Variants in EEFSEC observed in about 807,000 individuals in gnomAD.
EEFSEC encodes the protein eukaryotic elongation factor, selenocysteine-tRNA specific, also known as selenocysteine-specific elongation factor.
A neutral mutation model predicts 42.1 loss-of-function variants in EEFSEC; 43 were observed. The ratio of observed to expected loss-of-function variants is 1.02; its 90% CI spans 0.80 to 1.32. EEFSEC has a LOEUF of 1.32. Among genes scored for constraint, EEFSEC ranks in the 40% most tolerant of loss-of-function variants. The pLI is 0.00. For synonymous variants in EEFSEC, 354 were observed against 339.1 expected (o/e 1.04, Z -0.48); for missense variants, 745 against 803.6 (o/e 0.93, Z 0.88).
At chr3:128,267,932 G>A (rs75955609) in intron 4 of EEFSEC, among the ~76,000 whole-genome samples, 15 of 152,356 alleles carry the variant, frequency 9.8e-5, no homozygotes, top group African/African-American at 3.4e-4. Flanking sequence ...AAGGGAGAGA[G>A]ACTTGACAAA....
intron 2 of EEFSEC, among the ~76,000 whole-genome samples, chr3:128,247,453 G>A (rs1246682037): frequency 6.6e-6 from 1 of 152,222 alleles, no homozygotes; most frequent in African/African-American, 2.4e-5. Context: ...GGCTAGGACT[G>A]TGTTCTCTTG....
chr3:128,189,586 G>T (rs1402615754), intron 1 of EEFSEC, among the ~76,000 whole-genome samples: 3 of 148,156 alleles, frequency 2.0e-5, no homozygotes, highest in African/African-American at 7.5e-5. Context: ...CCGAGCCAGG[G>T]TCTGGCTGTC....
intron 4 of EEFSEC, among the ~76,000 whole-genome samples, chr3:128,319,969 T>A (rs1013947869): frequency 2.0e-5 from 3 of 152,270 alleles, no homozygotes; most frequent in African/African-American, 7.2e-5. Flanking sequence ...TTGGCCCTGC[T>A]GATTGGCTGG....
At chr3:128,342,241 G>T (rs1404284587) in intron 5 of EEFSEC, among the ~76,000 whole-genome samples, 1 of 152,256 alleles carries the variant, frequency 6.6e-6, no homozygotes, top group African/African-American at 2.4e-5. Context: ...GTTAGCACTG[G>T]CTTCCCTGGC....
intron 6 of EEFSEC, among the ~76,000 whole-genome samples, chr3:128,406,142 C>A (rs79764701): frequency 0.027 from 4,086 of 152,316 alleles, 182 homozygotes; most frequent in African/African-American, 0.091. Flanking sequence ...GCCCTGGGCC[C>A]ACCCACTCCC....
intron 4 of EEFSEC, among the ~76,000 whole-genome samples, chr3:128,325,077 G>T (rs73197388): frequency 0.14 from 21,782 of 152,102 alleles, 1,806 homozygotes; most frequent in African/African-American, 0.23. Flanking sequence ...AACATCCCTC[G>T]CTGGCCTACT....
intron 4 of EEFSEC, among the ~76,000 whole-genome samples, chr3:128,267,063 T>G (rs1357966925): frequency 1.3e-5 from 2 of 151,672 alleles, no homozygotes; most frequent in African/African-American, 4.9e-5. Flanking sequence ...ATGAAAGAGG[T>G]GTCAAAAGAG....
At chr3:128,417,191 G>A in the EEFSEC span, among the ~76,000 whole-genome samples, 15 of 152,008 alleles carry the variant, frequency 9.9e-5, no homozygotes, top group African/African-American at 3.1e-4. The surrounding 1 kb of genome is among the most constrained non-coding windows in gnomAD (Gnocchi z 4.3). Flanking sequence ...CTGTTAAAAC[G>A]TGTCAGGGCC....
chr3:128,332,694 C>T (rs2067147105), intron 4 of EEFSEC, among the ~76,000 whole-genome samples: 2 of 152,250 alleles, frequency 1.3e-5, no homozygotes, highest in African/African-American at 4.8e-5. Context: ...GAGGTTCCCT[C>T]TCGCAGCCCC....
intron 5 of EEFSEC, among the ~76,000 whole-genome samples, chr3:128,354,249 T>C (rs1436266087): frequency 6.6e-6 from 1 of 152,070 alleles, no homozygotes; most frequent in Non-Finnish European, 1.5e-5. Flanking sequence ...AGAGTATGCT[T>C]CACCCACTCA....
chr3:128,425,719 TGGG>T, the EEFSEC span, among the ~76,000 whole-genome samples: 10 of 152,328 alleles, frequency 6.6e-5, no homozygotes, highest in Admixed American at 5.2e-4. Flanking sequence ...TGGGCCCTCC[TGGG>T]CCCTCCTGTC....
intron 4 of EEFSEC, among the ~76,000 whole-genome samples, chr3:128,311,034 A>G (rs958063566): frequency 2.6e-5 from 4 of 152,242 alleles, no homozygotes; most frequent in Non-Finnish European, 5.9e-5. Context: ...CAAACTACAC[A>G]ACAATGTGAA....
intron 6 of EEFSEC, among the ~76,000 whole-genome samples, chr3:128,366,012 A>G (rs1287637727): frequency 6.6e-6 from 1 of 152,176 alleles, no homozygotes; most frequent in Non-Finnish European, 1.5e-5. Context: ...TGACCAGGCA[A>G]CAGATTGTCA....
At chr3:128,283,160 G>T in intron 4 of EEFSEC, among the ~76,000 whole-genome samples, 1 of 152,216 alleles carries the variant, frequency 6.6e-6, no homozygotes, top group East Asian at 1.9e-4. Flanking sequence ...GGGGCCCTGT[G>T]GCACCTGGAA....
At chr3:128,189,133 G>A (rs572996833) in intron 1 of EEFSEC, among the ~76,000 whole-genome samples, 170 of 152,208 alleles carry the variant, frequency 1.1e-3, no homozygotes, top group Non-Finnish European at 1.9e-3. Flanking sequence ...TGCTGAGCAA[G>A]TCCTTCCTTT....
At chr3:128,177,535 G>A (rs2065363301) in intron 1 of EEFSEC, among the ~76,000 whole-genome samples, 1 of 151,974 alleles carries the variant, frequency 6.6e-6, no homozygotes, top group Non-Finnish European at 1.5e-5. Context: ...GTTTTAAAAA[G>A]GTCTTGCTGA....
chr3:128,364,184 C>T (rs1037657738), intron 6 of EEFSEC, among the ~76,000 whole-genome samples: 10 of 152,288 alleles, frequency 6.6e-5, no homozygotes, highest in East Asian at 1.9e-4. Flanking sequence ...CCATTTAGCT[C>T]GGCAAACTTA....
At chr3:128,154,809 T>G (rs553647668) in intron 1 of EEFSEC, among the ~76,000 whole-genome samples, 1 of 152,350 alleles carries the variant, frequency 6.6e-6, no homozygotes, top group South Asian at 2.1e-4. Context: ...TTCCAGTATT[T>G]ACAAACCATT....
chr3:128,355,487 T>C (rs1189951832), intron 5 of EEFSEC, among the ~76,000 whole-genome samples: 1 of 152,042 alleles, frequency 6.6e-6, no homozygotes, highest in African/African-American at 2.4e-5. Context: ...GATATGTTCA[T>C]TAGCTTTATC....
Sources: gnomAD v4.1 joint callset for allele counts (sites outside exome capture counted in the v4.1 genomes callset) on GRCh38, gnomAD v4.1.1 for gene constraint, Gnocchi (gnomAD v3.1) non-coding constraint, MANE v1.5 for transcripts, NCBI Gene and HGNC (gene_info 2026-07-23, HGNC 2026-07-21) for gene names.